HSD17B10: variants seen among roughly 807,000 people sequenced by gnomAD.
HSD17B10 encodes 3-hydroxyacyl-CoA dehydrogenase type-2.
For synonymous variants in HSD17B10, 90 were observed against 85.9 expected (o/e 1.05, Z -0.26); for missense variants, 87 against 219.4 (o/e 0.40, Z 3.81).
chrX:53,434,359 A>T lies in HSD17B10; in HGVS notation c.-14T>A, dbSNP rs1196057834. On this transcript the variant is annotated 5_prime_UTR_variant, in exon 1 of 6. Coordinates refer to ENST00000168216, the MANE Select transcript of HSD17B10 (RefSeq NM_004493.3). ...CGCTGCTGCCATCTTGTCGCCGGCC[A>T]CTCCACGGGATGGGGATGGGGGCGC... is the stretch of plus-strand genomic sequence containing the variant. 1.5e-5 allele frequency: 18 copies of T among 1,167,203 alleles called. No individual in the cohort carries two copies. The highest frequency in any genetic ancestry group is 1.9e-5 in the Non-Finnish European group (17 of 872,802).
chrX:53,431,901 T>C lies in HSD17B10; in HGVS notation c.492A>G (p.Gly164=). 1.7e-6 allele frequency: 2 copies of C among 1,210,406 alleles called. No individual in the cohort carries two copies. The highest frequency in any genetic ancestry group is 1.1e-6 in the Non-Finnish European group (1 of 894,474). ...CCTTGGAAGCAGAGTATGCAGCTTG[T>C]CCAACCTGGAGAAAGAGTAGAAGTC... The part of the protein sequence containing the change: ...ASVAAFEGQV[G]QAAYSASKGG... Residue 164 remains glycine, a synonymous_variant, in exon 5 of 6, where the codon GGA becomes GGG. Coordinates refer to ENST00000168216, the MANE Select transcript of HSD17B10 (RefSeq NM_004493.3).
intron 2 of HSD17B10, 69 bp downstream of exon 2, chrX:53,433,653 C>T (rs2075833785): frequency 1.9e-6 from 2 of 1,048,468 alleles, no homozygotes; most frequent in African/African-American, 1.9e-5. Context: ...GGAGGGACCC[C>T]CACAGGTTCC....
At chrX:53,433,551 TC>T (rs2075833565) in intron 2 of HSD17B10, among the ~76,000 whole-genome samples, 170 bp downstream of exon 2, 1 of 112,622 alleles carries the variant, frequency 8.9e-6, no homozygotes, top group Non-Finnish European at 1.9e-5. Flanking sequence ...CTTTAGAGAA[TC>T]CTTATCACAG....
At chrX:53,431,758 A>G (rs2075825849) in intron 5 of HSD17B10, 40 bp downstream of exon 5, 1 of 1,125,622 alleles carries the variant, frequency 8.9e-7, no homozygotes, top group Non-Finnish European at 1.2e-6. Flanking sequence ...CATGGATCCC[A>G]CCCAATCCCA....
At chrX:53,434,045 G>A (rs906228235) in intron 1 of HSD17B10, 159 bp from the exon 2 acceptor site, 3 of 617,785 alleles carry the variant, frequency 4.9e-6, no homozygotes, top group Non-Finnish European at 7.7e-6. Context: ...CCTCAGCGTT[G>A]GGACCTCGGG....
At chrX:53,431,939 G>A in intron 4 of HSD17B10, 33 bp from the exon 5 acceptor site, 2 of 1,209,252 alleles carry the variant, frequency 1.7e-6, no homozygotes, top group Non-Finnish European at 2.2e-6. Context: ...AGGTGGGAGG[G>A]CCCCAACAAG....
In HSD17B10 at chrX:53,433,758, C is replaced by T; in HGVS notation, c.156G>A (p.Lys52=). The T allele has an allele frequency of 4.1e-6, 5 of 1,209,170 alleles. No homozygotes were observed. Among genetic ancestry groups the T allele is most frequent in the African/African-American group, 1.7e-5 (1 of 57,998 alleles). Residue 52 remains lysine (K), a synonymous_variant, in exon 2 of 6, where the codon AAG becomes AAA. Coordinates refer to ENST00000168216, the MANE Select transcript of HSD17B10 (RefSeq NM_004493.3). ...CGAAAACGCAGTTGTTTCCTAACTTCTTGGCTTGGGCCTCCCCACCCGAGT... is the reference window on the plus strand; with the variant it reads ...CGAAAACGCAGTTGTTTCCTAACTTTTTGGCTTGGGCCTCCCCACCCGAGT... ...LPNSGGEAQA[K]KLGNNCVFAP...
intron 2 of HSD17B10, 88 bp from the exon 3 acceptor site, chrX:53,432,499 A>T: frequency 6.4e-6 from 5 of 775,269 alleles, no homozygotes; most frequent in Non-Finnish European, 9.8e-6. Flanking sequence ...GGGCATGCCC[A>T]GTCCTTGGGT....
chrX:53,434,321 T>G lies in HSD17B10; in HGVS notation c.25A>C (p.Lys9Gln). Reference protein sequence around the residue: MAAACRSVKGLVAVITGGA... With the variant: MAAACRSVQGLVAVITGGA... ...AACAGAGGCAAAGAACCTTCTACCT[T>G]CACGCTCCGACACGCTGCTGCCATC... The change falls in exon 1 of 6, where the codon AAG (lysine) becomes CAG (glutamine). Residue 9 changes from lysine (K) to glutamine (Q), a missense_variant and splice_region_variant. Physicochemically the swap from Lys to Gln is moderately conservative, Grantham distance 53 (BLOSUM62 1). Transcript: ENST00000168216. 1 of 1,168,210 alleles carries G rather than the reference T, an allele frequency of 8.6e-7. No homozygotes were observed. The highest frequency in any genetic ancestry group is 1.1e-6 in the Non-Finnish European group (1 of 873,111).
In HSD17B10 at chrX:53,432,340, A is replaced by G; in HGVS notation, c.264T>C (p.Ala88=). 9.1e-6 allele frequency: 11 copies of G among 1,210,155 alleles called. No individual in the cohort carries two copies. Among genetic ancestry groups the G allele is most frequent in the Non-Finnish European group, 1.2e-5 (11 of 894,142 alleles). ...AKGKFGRVDV[A]VNCAGIAVAS... ...CCACCGCGATGCCTGCACAGTTGAC[A>G]GCTACATCCACACGGCCAAACTTTC... The change falls in exon 3 of 6, where the codon GCT becomes GCC. Residue 88 remains alanine (A), a synonymous_variant. Transcript: ENST00000168216.
intron 2 of HSD17B10, chrX:53,432,710 T>G: frequency 7.0e-5 from 20 of 284,936 alleles, no homozygotes; most frequent in Non-Finnish European, 5.2e-5. Context: ...TTAGCCGGCA[T>G]AGTGACACAT....
Position 53,431,494 on chromosome X carries a change from C to T in HSD17B10, c.696G>A (p.Glu232=). 1 of 1,210,558 alleles carries T rather than the reference C, an allele frequency of 8.3e-7. No homozygotes were observed. Reference sequence around the variant, plus strand: ...TGATGGCCTGTACGAGGTGAGCATACTCAGCAGGGTCACCCAGTCGGCTAG... The same window carrying T: ...TGATGGCCTGTACGAGGTGAGCATATTCAGCAGGGTCACCCAGTCGGCTAG... ...PFPSRLGDPA[E]YAHLVQAIIE... is the part of the protein sequence containing the mutation. Residue 232 remains glutamate (E), a synonymous_variant, in exon 6 of 6, where the codon GAG becomes GAA. Transcript: ENST00000168216.
chrX:53,433,812 T>A lies in HSD17B10; in HGVS notation c.102A>T (p.Gly34=), dbSNP rs1373821788. Residue 34 remains glycine (G), a synonymous_variant, in exon 2 of 6, where the codon GGA becomes GGT. Transcript: ENST00000168216. ...GCAGGTCCAGAAGCACAGCAGAGGCTCCCTGCCCCACAAGTCGCTCCGCCG... is the reference window on the plus strand; with the variant it reads ...GCAGGTCCAGAAGCACAGCAGAGGCACCCTGCCCCACAAGTCGCTCCGCCG... ...LATAERLVGQ[G]ASAVLLDLPN... 2.5e-6 allele frequency: 3 copies of A among 1,209,625 alleles called. No homozygotes were observed. Among genetic ancestry groups the A allele is most frequent in the Non-Finnish European group, 3.4e-6 (3 of 894,251 alleles).
chrX:53,432,043 C>G lies in HSD17B10; in HGVS notation c.431G>C (p.Gly144Ala), dbSNP rs782464134. The G allele has an allele frequency of 6.6e-6, 8 of 1,209,705 alleles. No homozygotes were observed. The highest frequency in any genetic ancestry group is 8.9e-6 in the Non-Finnish European group (8 of 895,116). The change falls in exon 4 of 6, where the codon GGA becomes GCA. Residue 144 changes from glycine to alanine, a missense_variant. By Grantham distance (60) the Gly-to-Ala change is moderately conservative. Coordinates refer to ENST00000168216, the MANE Select transcript of HSD17B10 (RefSeq NM_004493.3). ...GTTGATGATGACCCCACGTTGGCCT[C>G]CCTGGTCTGGTTCATTCTGGCCCAT... Reference protein sequence around the residue: ...GEMGQNEPDQGGQRGVIINTA... With the variant: ...GEMGQNEPDQAGQRGVIINTA...
rs1556894916 is a variant in HSD17B10, at chrX:53,433,739, C to T, written c.175G>A (p.Val59Ile). The change falls in exon 2 of 6, where the codon GTT (valine) becomes ATT (isoleucine). Residue 59 changes from valine to isoleucine, a missense_variant. Physicochemically the swap from Val to Ile is conservative, Grantham distance 29. Transcript: ENST00000168216. ...AQAKKLGNNC[V>I]FAPADVTSEK... ...CCACTTACGTCGGCTGGGGCGAAAACGCAGTTGTTTCCTAACTTCTTGGCT... is the reference window on the plus strand; with the variant it reads ...CCACTTACGTCGGCTGGGGCGAAAATGCAGTTGTTTCCTAACTTCTTGGCT... The T allele has an allele frequency of 8.3e-7, 1 of 1,207,276 alleles. No homozygotes were observed.
At chrX:53,432,714 G>A (rs2075830222) in intron 2 of HSD17B10, 2 of 296,811 alleles carry the variant, frequency 6.7e-6, no homozygotes, top group Admixed American at 9.7e-5. Flanking sequence ...CCGGCATAGT[G>A]ACACATGCCT....
At chrX:53,432,150 G>C (rs2075827379) in intron 3 of HSD17B10, 34 bp from the exon 4 acceptor site, 12 of 1,209,071 alleles carry the variant, frequency 9.9e-6, no homozygotes, top group African/African-American at 1.8e-5. Flanking sequence ...TATAGGACCT[G>C]AGGCAGAAGA....
At chrX:53,432,472 T>C in intron 2 of HSD17B10, 61 bp from the exon 3 acceptor site, 1 of 997,222 alleles carries the variant, frequency 1.0e-6, no homozygotes, top group Non-Finnish European at 1.4e-6. Flanking sequence ...CCACTAAACC[T>C]GAGGGAGGGC....
chrX:53,432,045 C>G lies in HSD17B10; in HGVS notation c.429G>C (p.Gln143His), dbSNP rs782565608. Residue 143 changes from glutamine (Q) to histidine (H), a missense_variant, in exon 4 of 6, where the codon CAG (glutamine) becomes CAC (histidine). By Grantham distance (24) the Gln-to-His change is conservative. Coordinates refer to ENST00000168216, the MANE Select transcript of HSD17B10 (RefSeq NM_004493.3). The part of the protein sequence containing the change: ...AGEMGQNEPD[Q>H]GGQRGVIINT... ...TGATGATGACCCCACGTTGGCCTCC[C>G]TGGTCTGGTTCATTCTGGCCCATCT... is the stretch of plus-strand genomic sequence containing the variant. 1 of 1,211,851 alleles carries G rather than the reference C, an allele frequency of 8.3e-7. No individual in the cohort carries two copies. Among genetic ancestry groups the G allele is most frequent in the Admixed American group, 2.2e-5 (1 of 46,061 alleles).
Sources: allele counts gnomAD v4.1 joint callset (sites outside exome capture counted in the v4.1 genomes callset), GRCh38; gene constraint gnomAD v4.1.1; transcripts MANE v1.5; gene names NCBI Gene and HGNC (gene_info 2026-07-23, HGNC 2026-07-21).